The following EPHA5 variants were observed in gnomAD, a reference collection of about 807,000 sequenced individuals.
EPHA5 encodes the protein EPH receptor A5.
EPHA5 carries 60 observed loss-of-function variants against 105.0 expected under a neutral mutation model. That is an observed-to-expected ratio of 0.57 (90% CI 0.46 to 0.71). The LOEUF (loss-of-function observed/expected upper bound fraction) is 0.71. EPHA5 is among the 30% of genes least tolerant of loss of function. EPHA5 has a pLI of 0.00. For missense variants in EPHA5, 1,218 were observed against 1,274.7 expected (o/e 0.96, Z 0.68); for synonymous variants, 513 against 449.1 (o/e 1.14, Z -1.80).
intron 3 of EPHA5, among the ~76,000 whole-genome samples, chr4:65,596,468 C>A (rs1362717980): frequency 6.8e-6 from 1 of 146,556 alleles, no homozygotes; most frequent in African/African-American, 2.4e-5. Context: ...TTAGAAAAAA[C>A]AAACAAACAA....
chr4:65,460,134 TA>T (rs1448685576), intron 5 of EPHA5, among the ~76,000 whole-genome samples: 5 of 151,716 alleles, frequency 3.3e-5, no homozygotes, highest in Admixed American at 3.3e-4. Context: ...ACTTTTATTT[TA>T]AAATTATATA....
intron 3 of EPHA5, among the ~76,000 whole-genome samples, chr4:65,577,343 A>G (rs1311349219): frequency 6.6e-6 from 1 of 152,058 alleles, no homozygotes; most frequent in East Asian, 1.9e-4. Flanking sequence ...ACTTTCATCT[A>G]TGTTTTCCAG....
chr4:65,334,835 T>C lies in EPHA5; in HGVS notation c.2789+1097A>G, dbSNP rs566770058. Reference sequence around the variant, plus strand: ...TTTTTTTACTCCTTTTGTACGTCCATTTGTGACAATGTAATATAATTCAAA... The same window carrying C: ...TTTTTTTACTCCTTTTGTACGTCCACTTGTGACAATGTAATATAATTCAAA... On this transcript the variant is annotated intron_variant, in intron 15 of 16. Coordinates refer to ENST00000613740, the MANE Select transcript of EPHA5 (RefSeq NM_001281766.3). 2.0e-5 allele frequency among the ~76,000 whole-genome samples: 3 copies of C among 152,086 alleles called. No homozygotes were observed. The South Asian group carries it at 6.2e-4, about 32-fold the overall frequency.
At chr4:65,471,436 A>G (rs1182159180) in intron 5 of EPHA5, among the ~76,000 whole-genome samples, 2 of 152,188 alleles carry the variant, frequency 1.3e-5, no homozygotes, top group African/African-American at 4.8e-5. Context: ...AATTATTTTT[A>G]TGTCAACTTT....
intron 14 of EPHA5, among the ~76,000 whole-genome samples, chr4:65,346,623 A>G (rs1722249018): frequency 6.6e-6 from 1 of 152,162 alleles, no homozygotes; most frequent in Non-Finnish European, 1.5e-5. Flanking sequence ...GGCAAAATTG[A>G]CAAATGGGAT....
At chr4:65,414,775 GC>G (rs1302146301) in intron 6 of EPHA5, among the ~76,000 whole-genome samples, 2 of 146,732 alleles carry the variant, frequency 1.4e-5, no homozygotes, top group Admixed American at 6.9e-5. Context: ...TTATTTTTGT[GC>G]TTTTTTTCCC....
intron 8 of EPHA5, among the ~76,000 whole-genome samples, chr4:65,392,915 C>T (rs924443444): frequency 1.3e-5 from 2 of 152,086 alleles, no homozygotes; most frequent in African/African-American, 4.8e-5. Context: ...TCTCTAAATA[C>T]TTACTGGCCG....
chr4:65,378,626 G>C (rs1298565549), intron 8 of EPHA5, among the ~76,000 whole-genome samples: 4 of 151,878 alleles, frequency 2.6e-5, no homozygotes, highest in Non-Finnish European at 4.4e-5. Flanking sequence ...GGCTTCTTTA[G>C]TGCTGCTGTG....
intron 1 of EPHA5, among the ~76,000 whole-genome samples, chr4:65,654,823 TCTAAA>T (rs1305063792): frequency 2.0e-5 from 3 of 147,242 alleles, no homozygotes; most frequent in Non-Finnish European, 4.5e-5. Context: ...GATATAACTA[TCTAAA>T]CTAACATTTA....
chr4:65,636,161 T>C (rs1747104298), intron 2 of EPHA5, among the ~76,000 whole-genome samples: 1 of 152,198 alleles, frequency 6.6e-6, no homozygotes, highest in Non-Finnish European at 1.5e-5. Flanking sequence ...AGGTTTGGAA[T>C]TTGCTAACAT....
rs796164050 is a variant in EPHA5, at chr4:65,348,789, GTGTGTA to G, written c.2446-592_2446-587del. On this transcript the variant is annotated intron_variant, in intron 13 of 16. Coordinates refer to ENST00000613740, the MANE Select transcript of EPHA5 (RefSeq NM_001281766.3). ...TATATATGTGTGTGCATGTGTGTGT[GTGTGTA>G]TATATATATATATATATATATTTTT... Among the ~76,000 whole-genome samples the G allele has an allele frequency of 2.3e-3, 75 of 32,050 alleles. 4 individuals carry two copies. Among genetic ancestry groups the G allele is most frequent in the South Asian group, 6.9e-3 (6 of 872 alleles). 21.0% of individuals were successfully genotyped at this position (32,050 alleles called of 152,430 possible).
At chr4:65,388,472 A>G (rs1300784798) in intron 8 of EPHA5, among the ~76,000 whole-genome samples, 2 of 150,242 alleles carry the variant, frequency 1.3e-5, no homozygotes, top group Admixed American at 6.6e-5. Flanking sequence ...CATCCTCTCC[A>G]GCACCTGTTG....
intron 3 of EPHA5, among the ~76,000 whole-genome samples, chr4:65,510,723 C>T (rs1733537983): frequency 1.3e-5 from 2 of 152,106 alleles, no homozygotes; most frequent in Admixed American, 6.6e-5. Flanking sequence ...TGGTGTCTGT[C>T]CACTTCAATC....
chr4:65,420,614 A>G, intron 5 of EPHA5, 49 bp from the exon 6 acceptor site: 1 of 1,574,868 alleles, frequency 6.3e-7, no homozygotes, highest in Non-Finnish European at 8.6e-7. Flanking sequence ...AGGCCCTAAA[A>G]GTAAACCTGT....
chr4:65,374,228 C>G (rs1718768639), intron 8 of EPHA5, among the ~76,000 whole-genome samples: 1 of 151,866 alleles, frequency 6.6e-6, no homozygotes, highest in Admixed American at 6.6e-5. Context: ...GGTGCTTAAA[C>G]TTTAGGCGTC....
intron 1 of EPHA5, among the ~76,000 whole-genome samples, chr4:65,668,292 C>CA (rs1426260272): frequency 6.6e-6 from 1 of 152,158 alleles, no homozygotes; most frequent in Non-Finnish European, 1.5e-5. Flanking sequence ...CGAGGACACA[C>CA]ACGACTCCAC....
chr4:65,425,817 G>T (rs1724382819), intron 5 of EPHA5, among the ~76,000 whole-genome samples: 1 of 151,748 alleles, frequency 6.6e-6, no homozygotes, highest in Non-Finnish European at 1.5e-5. Flanking sequence ...GCTTATATTT[G>T]GTATTTTCCT....
At chr4:65,404,167 A>G (rs1300169763) in intron 8 of EPHA5, among the ~76,000 whole-genome samples, 1 of 152,182 alleles carries the variant, frequency 6.6e-6, no homozygotes, top group African/African-American at 2.4e-5. Context: ...TTGTGAAGAG[A>G]GCATACCTAA....
At chr4:65,417,690 T>C (rs1395007915) in intron 6 of EPHA5, among the ~76,000 whole-genome samples, 1 of 151,940 alleles carries the variant, frequency 6.6e-6, no homozygotes, top group Admixed American at 6.6e-5. Flanking sequence ...AACTATTAAA[T>C]ATAAGACCAA....
Sources: gnomAD v4.1 joint callset for allele counts (sites outside exome capture counted in the v4.1 genomes callset) on GRCh38, gnomAD v4.1.1 for gene constraint, MANE v1.5 for transcripts, NCBI Gene and HGNC (gene_info 2026-07-23, HGNC 2026-07-21) for gene names.